The following KCNMB2 variants were observed in gnomAD, a reference collection of about 807,000 sequenced individuals.
KCNMB2 encodes potassium calcium-activated channel subfamily M regulatory beta subunit 2, also known as calcium-activated potassium channel subunit beta-2.
Under a neutral mutation model 24.5 loss-of-function variants are expected in KCNMB2, and 9 were observed. The ratio of observed to expected loss-of-function variants is 0.37; its 90% CI spans 0.22 to 0.64. The LOEUF is 0.64. KCNMB2 is among the 30% of genes least tolerant of loss of function. KCNMB2 has a pLI of 0.63. For synonymous variants in KCNMB2, 109 were observed against 104.4 expected, an observed-to-expected ratio of 1.04 and a Z score of -0.27; for missense variants, 226 against 284.3, an observed-to-expected ratio of 0.79 and a Z score of 1.47.
At position 178,631,239 on chromosome 3, in the gene KCNMB2, T is replaced by C. The variant is rs76573202; in HGVS notation, c.-68+94528T>C. On this transcript the variant is annotated intron_variant, in intron 1 of 4. Coordinates refer to ENST00000452583, the MANE Select transcript of KCNMB2 (RefSeq NM_181361.3). The stretch of plus-strand genomic sequence containing the variant: ...TCATCTTCCCACTTCATATTCCTTC[T>C]TCTCCGTGACTGATAAACCTCTCAG... 7.7e-3 allele frequency among the ~76,000 whole-genome samples: 1,177 copies of C among 152,306 alleles called. 16 individuals are homozygous for C. Among genetic ancestry groups the C allele is most frequent in the African/African-American group, 0.027 (1,138 of 41,566 alleles).
chr3:178,656,493 C>T (rs1393549294), intron 1 of KCNMB2, among the ~76,000 whole-genome samples: 1 of 152,130 alleles, frequency 6.6e-6, no homozygotes, highest in African/African-American at 2.4e-5. Context: ...TGTGCTCAGG[C>T]TGGGTGCGGT....
Position 178,762,834 on chromosome 3 carries a change from A to G in KCNMB2, c.-67-44509A>G, listed in dbSNP as rs188009162. ...CTTGAGAAACTGAGTAGATTGTATG[A>G]TCATTTACTGAGTTGAAAAAAAAAA... On this transcript the variant is annotated intron_variant, in intron 1 of 4. Coordinates refer to ENST00000452583, the MANE Select transcript of KCNMB2 (RefSeq NM_181361.3). Among the ~76,000 whole-genome samples the G allele has an allele frequency of 3.8e-3, 577 of 150,010 alleles. 11 individuals carry two copies. Among genetic ancestry groups the G allele is most frequent in the Admixed American group, 0.037 (544 of 14,900 alleles).
At chr3:178,746,311 G>A (rs550435596) in intron 1 of KCNMB2, among the ~76,000 whole-genome samples, 9 of 152,270 alleles carry the variant, frequency 5.9e-5, no homozygotes, top group South Asian at 4.1e-4. Context: ...GCCATGGCCC[G>A]TGCTCTACAT....
chr3:178,556,704 C>T lies in KCNMB2; in HGVS notation c.-68+19993C>T, dbSNP rs562398426. On this transcript the variant is annotated intron_variant, in intron 1 of 4. Coordinates refer to ENST00000452583, the MANE Select transcript of KCNMB2 (RefSeq NM_181361.3). Reference sequence around the variant, plus strand: ...ACAGGTGTAAGCCACCTCGCCCTGCCGACACATACTTTTAAAGGAAACTTT... The same window carrying T: ...ACAGGTGTAAGCCACCTCGCCCTGCTGACACATACTTTTAAAGGAAACTTT... 3.5e-4 allele frequency among the ~76,000 whole-genome samples: 54 copies of T among 152,236 alleles called. 1 individual carries two copies. Among genetic ancestry groups the T allele is most frequent in the African/African-American group, 1.3e-3 (53 of 41,560 alleles).
intron 4 of KCNMB2, 81 bp downstream of exon 4, chr3:178,828,454 A>AAAT: frequency 9.8e-7 from 1 of 1,020,618 alleles, no homozygotes; most frequent in Non-Finnish European, 1.4e-6. Flanking sequence ...CCCCTTTGCC[A>AAAT]GCATTTCAAA....
chr3:178,540,504 T>A (rs1240973999), intron 1 of KCNMB2, among the ~76,000 whole-genome samples: 2 of 152,216 alleles, frequency 1.3e-5, no homozygotes, highest in Admixed American at 6.5e-5. Flanking sequence ...GTGGCCCATG[T>A]GCCCTGGAAT....
chr3:178,610,783 T>A (rs912419692), intron 1 of KCNMB2, among the ~76,000 whole-genome samples: 76 of 152,236 alleles, frequency 5.0e-4, no homozygotes, highest in African/African-American at 1.5e-3. Flanking sequence ...CAGTACTATT[T>A]TGAATAGAAT....
chr3:178,710,098 C>T (rs551947554), intron 1 of KCNMB2, among the ~76,000 whole-genome samples: 2 of 152,170 alleles, frequency 1.3e-5, no homozygotes, highest in East Asian at 1.9e-4. Context: ...TGGCAGGTAG[C>T]CTCCAGGGAC....
intron 1 of KCNMB2, among the ~76,000 whole-genome samples, chr3:178,656,892 G>C (rs918996714): frequency 5.3e-5 from 8 of 152,108 alleles, no homozygotes; most frequent in Non-Finnish European, 8.8e-5. Context: ...GGGCGGGGTA[G>C]GGGGGTGGTA....
At chr3:178,767,074 A>T (rs1455371938) in intron 1 of KCNMB2, among the ~76,000 whole-genome samples, 2 of 152,236 alleles carry the variant, frequency 1.3e-5, no homozygotes, top group Non-Finnish European at 2.9e-5. Context: ...CAGAGAGGGT[A>T]CTAAATATCC....
intron 1 of KCNMB2, among the ~76,000 whole-genome samples, chr3:178,673,010 C>T (rs754646641): frequency 1.3e-5 from 2 of 152,148 alleles, no homozygotes; most frequent in African/African-American, 2.4e-5. Context: ...GCCCAAAGAG[C>T]CACAACTCAT....
chr3:178,595,787 A>C (rs574719334), intron 1 of KCNMB2, among the ~76,000 whole-genome samples: 1 of 152,172 alleles, frequency 6.6e-6, no homozygotes, highest in African/African-American at 2.4e-5. Context: ...TATTAGCAGC[A>C]TGAGAACGGA....
Position 178,758,383 on chromosome 3 carries a change from GATAC to G in KCNMB2, c.-67-48956_-67-48953del, listed in dbSNP as rs1305263404. Reference sequence around the variant, plus strand: ...ATATATATATATATCTCCAAGAGGGGATACATATATATATATATATATATATATA... The same window carrying G: ...ATATATATATATATCTCCAAGAGGGGATATATATATATATATATATATATA... On this transcript the variant is annotated intron_variant, in intron 1 of 4. Transcript: ENST00000452583. Among the ~76,000 whole-genome samples the G allele has an allele frequency of 6.1e-3, 23 of 3,770 alleles. 4 individuals are homozygous for G. In the African/African-American group the frequency reaches 0.083, roughly 14 times the overall value. The allele number at this position is 3,770 out of a possible 152,430, so 2.5% of individuals were successfully genotyped here. A position where few individuals can be genotyped will look rare whatever the true frequency, so the allele number is the denominator to read the frequency against.
intron 1 of KCNMB2, among the ~76,000 whole-genome samples, chr3:178,614,052 G>A (rs1054405478): frequency 2.7e-5 from 4 of 149,512 alleles, no homozygotes; most frequent in African/African-American, 9.8e-5. Flanking sequence ...TCAGGCTCAC[G>A]AATTCTTTCT....
intron 4 of KCNMB2, among the ~76,000 whole-genome samples, chr3:178,838,841 CAT>C (rs1024906447): frequency 1.3e-5 from 2 of 152,122 alleles, no homozygotes; most frequent in Middle Eastern, 3.4e-3. Flanking sequence ...TTGTAAAAGT[CAT>C]ATATGTGAAT....
chr3:178,820,924 C>T (rs1714602067), intron 2 of KCNMB2, among the ~76,000 whole-genome samples: 1 of 152,188 alleles, frequency 6.6e-6, no homozygotes, highest in African/African-American at 2.4e-5. Context: ...ATGTGGTTCA[C>T]CCTGAAGCCA....
intron 1 of KCNMB2, among the ~76,000 whole-genome samples, chr3:178,718,779 A>AT (rs1253477617): frequency 1.3e-5 from 2 of 152,096 alleles, no homozygotes; most frequent in South Asian, 4.1e-4. Flanking sequence ...CTTTAGTCTG[A>AT]TTTTTTTTCT....
At chr3:178,827,405 C>T (rs1308950731) in intron 3 of KCNMB2, among the ~76,000 whole-genome samples, 1 of 152,074 alleles carries the variant, frequency 6.6e-6, no homozygotes, top group Non-Finnish European at 1.5e-5. Context: ...TAGAGAATTA[C>T]AAGATTGGAT....
At chr3:178,650,042 G>A (rs1054240542) in intron 1 of KCNMB2, among the ~76,000 whole-genome samples, 8 of 152,122 alleles carry the variant, frequency 5.3e-5, no homozygotes, top group Non-Finnish European at 1.0e-4. Flanking sequence ...TGTACATTGT[G>A]TCTTTGTTCT....
Sources: allele counts gnomAD v4.1 joint callset (sites outside exome capture counted in the v4.1 genomes callset), GRCh38; gene constraint gnomAD v4.1.1; transcripts MANE v1.5; gene names NCBI Gene and HGNC (gene_info 2026-07-23, HGNC 2026-07-21).